ATF1: variants seen among roughly 807,000 people sequenced by gnomAD.
ATF1 encodes cyclic AMP-dependent transcription factor ATF-1.
ATF1 carries 16 observed loss-of-function variants against 34.7 expected under a neutral mutation model. The observed-to-expected ratio is 0.46, with a 90% CI of 0.31 to 0.70. The LOEUF (loss-of-function observed/expected upper bound fraction) is 0.70. ATF1 is among the 30% of genes least tolerant of loss of function. ATF1 has a pLI of 0.05. For synonymous variants in ATF1, 105 were observed against 113.1 expected, an observed-to-expected ratio of 0.93 and a Z score of 0.46; for missense variants, 255 against 321.6, an observed-to-expected ratio of 0.79 and a Z score of 1.58.
At chr12:50,792,806 G>T (rs1941333107) in intron 2 of ATF1, among the ~76,000 whole-genome samples, 1 of 151,774 alleles carries the variant, frequency 6.6e-6, no homozygotes, top group Non-Finnish European at 1.5e-5. Flanking sequence ...TTTATCCCAG[G>T]TATTTTCTAT....
intron 2 of ATF1, among the ~76,000 whole-genome samples, chr12:50,787,575 A>C (rs987308156): frequency 1.3e-5 from 2 of 152,050 alleles, no homozygotes; most frequent in African/African-American, 4.8e-5. Flanking sequence ...TCTACTAAAA[A>C]TACAAAAGAA....
chr12:50,799,118 C>T (rs968157078), intron 3 of ATF1, among the ~76,000 whole-genome samples: 10 of 152,232 alleles, frequency 6.6e-5, no homozygotes, highest in African/African-American at 2.4e-4. Context: ...AGGTCTGTGG[C>T]TCATGCCTGT....
chr12:50,764,595 CAG>C (rs1220885499), intron 1 of ATF1: 1 of 152,350 alleles, frequency 6.6e-6, no homozygotes, highest in Non-Finnish European at 1.5e-5. Context: ...GCTTTCGCCT[CAG>C]AAGCCGCCCT....
At chr12:50,786,673 C>T (rs1472115223) in intron 2 of ATF1, among the ~76,000 whole-genome samples, 1 of 152,090 alleles carries the variant, frequency 6.6e-6, no homozygotes, top group Non-Finnish European at 1.5e-5. Flanking sequence ...AAAGAAAACC[C>T]ACAAACCCTG....
chr12:50,809,569 A>G lies in ATF1; in HGVS notation c.308A>G (p.Gln103Arg), dbSNP rs1239742599. 2 of 1,613,670 alleles carry G rather than the reference A, an allele frequency of 1.2e-6. No homozygotes were observed. The highest frequency in any genetic ancestry group is 8.5e-7 in the Non-Finnish European group (1 of 1,179,786). ...TSMSVPTPIY[Q>R]TSSGQYIAIA... is the part of the protein sequence containing the mutation. Reference sequence around the variant, plus strand: ...ATGTCTGTTCCAACTCCCATCTATCAGACTAGCAGCGGACAGTACAGTATG... The same window carrying G: ...ATGTCTGTTCCAACTCCCATCTATCGGACTAGCAGCGGACAGTACAGTATG... The change falls in exon 4 of 7, where the codon CAG becomes CGG. Residue 103 changes from glutamine to arginine, a missense_variant. This residue lies in a region of ATF1 where 221 missense variants were observed against 250.7 expected (regional missense o/e 0.88). Coordinates refer to ENST00000262053, the MANE Select transcript of ATF1 (RefSeq NM_005171.5).
rs1321729996 is a variant in ATF1, at chr12:50,813,995, T to C, written c.329-15T>C. ...ATATAACCTTACAATAGCTATTTTC[T>C]CTTTTTGATTAAAGTTGCCATTGCC... On this transcript the variant is annotated splice_polypyrimidine_tract_variant and intron_variant, in intron 4 of 6. Coordinates refer to ENST00000262053, the MANE Select transcript of ATF1 (RefSeq NM_005171.5). The C allele has an allele frequency of 1.2e-6, 2 of 1,605,506 alleles. No individual in the cohort carries two copies. The highest frequency in any genetic ancestry group is 2.2e-5 in the East Asian group (1 of 44,874).
chr12:50,774,641 CAAAT>C (rs1940865294), intron 1 of ATF1, among the ~76,000 whole-genome samples: 1 of 151,756 alleles, frequency 6.6e-6, no homozygotes, highest in African/African-American at 2.4e-5. Flanking sequence ...AAAAAGTGAA[CAAAT>C]AAAGGTTACA....
chr12:50,787,281 G>C (rs1941205330), intron 2 of ATF1, among the ~76,000 whole-genome samples: 4 of 152,140 alleles, frequency 2.6e-5, no homozygotes, highest in African/African-American at 9.7e-5. Flanking sequence ...AACAGAACCA[G>C]ACTCAGGATA....
intron 6 of ATF1, among the ~76,000 whole-genome samples, chr12:50,819,362 T>C (rs1941903278): frequency 6.6e-6 from 1 of 152,010 alleles, no homozygotes; most frequent in Admixed American, 6.6e-5. Context: ...ATCAAAACGA[T>C]AGTTGCTTGG....
upstream of ATF1, chr12:50,763,636 A>C: frequency 9.6e-6 from 1 of 103,972 alleles, no homozygotes; most frequent in Non-Finnish European, 2.1e-5. Context: ...AAGAGACTCC[A>C]TCTAAAAAAA....
intron 2 of ATF1, among the ~76,000 whole-genome samples, chr12:50,783,253 AAAAGGTTTGAAAACCAGTGACCC>A (rs1386747453): frequency 6.6e-6 from 1 of 152,238 alleles, no homozygotes; most frequent in Non-Finnish European, 1.5e-5. Flanking sequence ...ATTTGTGACC[AAAAGGTTTGAAAACCAGTGACCC>A]AAAGGGGTTA....
chr12:50,788,680 T>TCTAA (rs1174787935), intron 2 of ATF1, among the ~76,000 whole-genome samples: 1 of 152,124 alleles, frequency 6.6e-6, no homozygotes, highest in African/African-American at 2.4e-5. Context: ...AAAATTTATT[T>TCTAA]CTAACTCCAA....
intron 2 of ATF1, among the ~76,000 whole-genome samples, chr12:50,784,764 T>C (rs1276292284): frequency 6.6e-6 from 1 of 152,154 alleles, no homozygotes; most frequent in Non-Finnish European, 1.5e-5. Context: ...GAGATGACAA[T>C]GGCTTGGACC....
intron 3 of ATF1, among the ~76,000 whole-genome samples, chr12:50,807,824 T>G (rs35624680): frequency 0.37 from 54,603 of 148,974 alleles, 10,131 homozygotes; most frequent in African/African-American, 0.4. Flanking sequence ...TTTTTTTTTT[T>G]TTTTTGAGAG....
At chr12:50,792,075 C>A (rs1319301704) in intron 2 of ATF1, among the ~76,000 whole-genome samples, 1 of 152,158 alleles carries the variant, frequency 6.6e-6, no homozygotes, top group Non-Finnish European at 1.5e-5. Context: ...AAATACCTTC[C>A]AGTCCCCTAA....
rs549842568 is a variant in ATF1, at chr12:50,775,961, G to C, written c.-6-4179G>C. Among the ~76,000 whole-genome samples, 4 of 152,216 alleles carry C rather than the reference G, an allele frequency of 2.6e-5. No homozygotes were observed. The East Asian group carries it at 7.7e-4, about 29-fold the overall frequency. ...TAATCGCAACACTTTAGGAGGCCAA[G>C]GTAGGTGGATCGTTTGAGCTTAGGA... On this transcript the variant is annotated intron_variant, in intron 1 of 6. Transcript: ENST00000262053.
chr12:50,779,963 T>TTTAAATAA (rs1941018554), intron 1 of ATF1, among the ~76,000 whole-genome samples, 177 bp from the exon 2 acceptor site: 1 of 152,176 alleles, frequency 6.6e-6, no homozygotes, highest in Non-Finnish European at 1.5e-5. Context: ...CATGTTTTTG[T>TTTAAATAA]GGGCCAAAAT....
intron 3 of ATF1, among the ~76,000 whole-genome samples, chr12:50,800,721 A>G (rs60678922): frequency 0.012 from 1,829 of 152,330 alleles, 30 homozygotes; most frequent in African/African-American, 0.041. Context: ...TCCTGAAACC[A>G]TCCCCTGACT....
intron 6 of ATF1, among the ~76,000 whole-genome samples, chr12:50,816,597 G>GA (rs578196397): frequency 9.9e-5 from 15 of 151,724 alleles, no homozygotes; most frequent in Non-Finnish European, 1.9e-4. Flanking sequence ...CATTTTAATG[G>GA]AAAAAACCAT....
Sources: gnomAD v4.1 joint callset for allele counts (sites outside exome capture counted in the v4.1 genomes callset) on GRCh38, gnomAD v4.1.1 for gene constraint, gnomAD v4.1.1 regional missense constraint, MANE v1.5 for transcripts, NCBI Gene and HGNC (gene_info 2026-07-23, HGNC 2026-07-21) for gene names.